The following SLX4 variants were observed in gnomAD, a reference collection of about 807,000 sequenced individuals.
The protein encoded by SLX4 is SLX4 structure-specific endonuclease subunit.
SLX4 carries 112 observed loss-of-function variants against 146.2 expected under a neutral mutation model. The ratio of observed to expected loss-of-function variants is 0.77; its 90% CI spans 0.66 to 0.90. The LOEUF is 0.90. SLX4 is among the 40% of genes least tolerant of loss of function. The probability of loss-of-function intolerance (pLI) is 0.00; values close to 1 mark genes in which losing one functional copy is unlikely to be tolerated. For synonymous variants in SLX4, 1,061 were observed against 997.7 expected (o/e 1.06, Z -1.20); for missense variants, 2,563 against 2,392.7 (o/e 1.07, Z -1.49).
At chr16:3,600,591 CTTTTTTTTTTTTTTTTTTT>C (rs974875930) in intron 5 of SLX4, 7 of 102,614 alleles carry the variant, frequency 6.8e-5, no homozygotes, top group South Asian at 2.0e-4. Flanking sequence ...CTATAAAAAG[CTTTTTTTTTTTTTTTTTTT>C]TTTTTTTTTT....
rs2151125201 is a variant in SLX4, at chr16:3,590,878, C to T, written c.2760G>A (p.Trp920Ter). The T allele has an allele frequency of 6.2e-7, 1 of 1,614,132 alleles. No homozygotes were observed. The highest frequency in any genetic ancestry group is 2.2e-5 in the East Asian group (1 of 44,874). ...GGAGAGCGCACTGTCCCATCTTCTC[C>T]CAGGTGGTGGCGGCCTCATCTCTTC... ...EPGRDEAATTWEKMGQCALPP... is the reference protein window; with the variant it reads ...EPGRDEAATT The change falls in exon 12 of 15, where the codon TGG becomes TGA. Residue 920 changes from tryptophan to a stop codon, truncating the protein, a stop_gained. Transcript: ENST00000294008. LOFTEE classifies it high-confidence loss of function. This position sits in a 1 kb window ranked among gnomAD's most constrained non-coding sequence, Gnocchi z 4.8.
rs2040670048 is a variant in SLX4, at chr16:3,597,152, C to T, written c.1683+227G>A. Among the ~76,000 whole-genome samples the T allele has an allele frequency of 1.3e-5, 2 of 152,206 alleles. No individual in the cohort carries two copies. The highest frequency in any genetic ancestry group is 1.3e-4 in the Admixed American group (2 of 15,280). On this transcript the variant is annotated intron_variant, in intron 7 of 14. Coordinates refer to ENST00000294008, the MANE Select transcript of SLX4 (RefSeq NM_032444.4). This position sits in a 1 kb window ranked among gnomAD's most constrained non-coding sequence, Gnocchi z 4.4. Reference sequence around the variant, plus strand: ...CTGCATTTTCAACAAACTCCAGGAACACACTCTGGTGGACACCAAGGGTCC... The same window carrying T: ...CTGCATTTTCAACAAACTCCAGGAATACACTCTGGTGGACACCAAGGGTCC...
chr16:3,595,527 G>T, intron 9 of SLX4, 78 bp downstream of exon 9: 1 of 1,533,978 alleles, frequency 6.5e-7, no homozygotes. Flanking sequence ...CCAGAGGCCA[G>T]CGGTGAGCCA....
Position 3,581,871 on chromosome 16 carries a change from C to T in SLX4, c.*471G>A, listed in dbSNP as rs554146344. On this transcript the variant is annotated 3_prime_UTR_variant, in exon 15 of 15. Transcript: ENST00000294008. ...CAGCCTGAGCAACATGGTGAAACCCCGTTTCTACTAAAATATAAAAAATCA... is the reference window on the plus strand; with the variant it reads ...CAGCCTGAGCAACATGGTGAAACCCTGTTTCTACTAAAATATAAAAAATCA... 1.7e-4 allele frequency: 32 copies of T among 193,938 alleles called. No homozygotes were observed. The highest frequency in any genetic ancestry group is 1.2e-3 in the Admixed American group (22 of 18,808). The allele number at this position is 193,938 out of a possible 1,614,324, so 12.0% of individuals were successfully genotyped here. A position where few individuals can be genotyped will look rare whatever the true frequency, so the allele number is the denominator to read the frequency against.
At chr16:3,593,772 T>G (rs2040618171) in intron 10 of SLX4, among the ~76,000 whole-genome samples, 1 of 152,220 alleles carries the variant, frequency 6.6e-6, no homozygotes, top group Admixed American at 6.5e-5. Context: ...AGAAGGCAGG[T>G]TCATCAGCAA....
chr16:3,583,460 T>C lies in SLX4; in HGVS notation c.4790A>G (p.Glu1597Gly). 1 of 1,614,172 alleles carries C rather than the reference T, an allele frequency of 6.2e-7. No homozygotes were observed. The highest frequency in any genetic ancestry group is 8.5e-7 in the Non-Finnish European group (1 of 1,180,038). The change falls in exon 14 of 15, where the codon GAG becomes GGG. Residue 1597 changes from glutamate to glycine, a missense_variant. Transcript: ENST00000294008. ...PKRQMVLKLK[E>G]IFQYTHQTLD... ...GGTCTGGTGAGTGTACTGGAATATCTCCTTCAGCTTCAGAACCATCTGGCG... is the reference window on the plus strand; with the variant it reads ...GGTCTGGTGAGTGTACTGGAATATCCCCTTCAGCTTCAGAACCATCTGGCG...
At chr16:3,599,392 C>G (rs1297787374) in intron 5 of SLX4, among the ~76,000 whole-genome samples, 2 of 152,244 alleles carry the variant, frequency 1.3e-5, no homozygotes, top group African/African-American at 4.8e-5. Context: ...AACCTGGTGT[C>G]AGCTCTAGCG....
At chr16:3,602,014 G>A (rs2040732386) in intron 4 of SLX4, 104 bp downstream of exon 4, 1 of 1,344,076 alleles carries the variant, frequency 7.4e-7, no homozygotes, top group African/African-American at 1.4e-5. Context: ...CAAAGCTGAG[G>A]TGCTGTTGTC....
chr16:3,607,576 C>T lies in SLX4; in HGVS notation c.535+854G>A, dbSNP rs144366282. On this transcript the variant is annotated intron_variant, in intron 2 of 14. Transcript: ENST00000294008. ...GTGGGTGCCTGTGGTCCCAGCTACT[C>T]GGGAGGCTGAGGCAGGGAGGACTGC... 7.2e-3 allele frequency among the ~76,000 whole-genome samples: 1,098 copies of T among 152,138 alleles called. 6 individuals carry two copies. Among genetic ancestry groups the T allele is most frequent in the Middle Eastern group, 0.024 (7 of 294 alleles).
In SLX4 at chr16:3,597,363, G is replaced by A. The variant is rs2040672063; in HGVS notation, c.1683+16C>T. The A allele has an allele frequency of 1.3e-6, 2 of 1,528,810 alleles. No individual in the cohort carries two copies. The highest frequency in any genetic ancestry group is 1.8e-6 in the Non-Finnish European group (2 of 1,135,090). 94.7% of individuals were successfully genotyped at this position (1,528,810 alleles called of 1,614,324 possible). On this transcript the variant is annotated intron_variant, in intron 7 of 14. Transcript: ENST00000294008. The surrounding 1 kb of genome is among the most constrained non-coding windows in gnomAD (Gnocchi z 4.4). Reference sequence around the variant, plus strand: ...CCCCCAAAAGCCTATCCATGTGCCTGAGGGGAGGGACTCACCTGGGCAGGC... The same window carrying A: ...CCCCCAAAAGCCTATCCATGTGCCTAAGGGGAGGGACTCACCTGGGCAGGC...
chr16:3,589,129 C>T lies in SLX4; in HGVS notation c.4509G>A (p.Pro1503=), dbSNP rs755864079. ...CCCACAGAGCCGAATTCAGAAAGCT[C>T]GGCCTGCTATTCCCCAGGGAGCCCG... ...SGAGSLGNSR[P]SFLNSALWDV... is the part of the protein sequence containing the mutation. Residue 1503 remains proline, a synonymous_variant, in exon 12 of 15, where the codon CCG becomes CCA. Transcript: ENST00000294008. This position sits in a 1 kb window ranked among gnomAD's most constrained non-coding sequence, Gnocchi z 6.2. 21 of 1,613,992 alleles carry T rather than the reference C, an allele frequency of 1.3e-5. No homozygotes were observed. The highest frequency in any genetic ancestry group is 1.5e-5 in the Non-Finnish European group (18 of 1,180,008).
At chr16:3,608,194 A>C (rs139722154) in intron 2 of SLX4, among the ~76,000 whole-genome samples, 45 of 152,334 alleles carry the variant, frequency 3.0e-4, no homozygotes, top group African/African-American at 9.6e-4. Flanking sequence ...AAATAAAAAC[A>C]AACCAAAAGT....
chr16:3,592,897 T>C, intron 10 of SLX4, 32 bp from the exon 11 acceptor site: 1 of 1,594,110 alleles, frequency 6.3e-7, no homozygotes, highest in Non-Finnish European at 8.6e-7. Flanking sequence ...GAGGGTTTAC[T>C]GATCAGAGAG....
intron 3 of SLX4, among the ~76,000 whole-genome samples, chr16:3,603,464 G>T (rs986911727): frequency 3.3e-5 from 5 of 152,352 alleles, no homozygotes; most frequent in Admixed American, 1.3e-4. Context: ...CACCAGCTGG[G>T]TGCCTCCTCT....
At position 3,589,800 on chromosome 16, in the gene SLX4, T is replaced by A; in HGVS notation, c.3838A>T (p.Ser1280Cys). The A allele has an allele frequency of 6.2e-7, 1 of 1,613,412 alleles. No individual in the cohort carries two copies. Among genetic ancestry groups the A allele is most frequent in the Non-Finnish European group, 8.5e-7 (1 of 1,180,002 alleles). ...SSQTQISSLRSGLAVQAVTQH... is the reference protein window; with the variant it reads ...SSQTQISSLRCGLAVQAVTQH... The stretch of plus-strand genomic sequence containing the variant: ...GTCACCGCCTGCACGGCCAGCCCGC[T>A]CCTGAGGCTGCTGATTTGGGTCTGG... Residue 1280 changes from serine (S) to cysteine (C), a missense_variant, in exon 12 of 15, where the codon AGC becomes TGC. Coordinates refer to ENST00000294008, the MANE Select transcript of SLX4 (RefSeq NM_032444.4). This position sits in a 1 kb window ranked among gnomAD's most constrained non-coding sequence, Gnocchi z 6.2.
chr16:3,596,097 G>A (rs921797412), intron 8 of SLX4, 56 bp downstream of exon 8: 15 of 1,529,992 alleles, frequency 9.8e-6, no homozygotes, highest in Non-Finnish European at 1.2e-5. Flanking sequence ...CTCAGCCGCG[G>A]GGAGGGGAGG....
chr16:3,586,377 TG>T (rs747465226), intron 12 of SLX4, among the ~76,000 whole-genome samples: 1 of 151,374 alleles, frequency 6.6e-6, no homozygotes, highest in Non-Finnish European at 1.5e-5. Flanking sequence ...AAAAATTAGC[TG>T]GGCATGGTGG....
At position 3,583,210 on chromosome 16, in the gene SLX4, C is replaced by G. The variant is rs199592185; in HGVS notation, c.5040G>C (p.Arg1680Ser). The G allele has an allele frequency of 3.0e-5, 49 of 1,614,052 alleles. No individual in the cohort carries two copies. The highest frequency in any genetic ancestry group is 3.3e-4 in the Middle Eastern group (2 of 6,084). The change falls in exon 14 of 15, where the codon AGG becomes AGC. Residue 1680 changes from arginine to serine, a missense_variant. By Grantham distance (110) the Arg-to-Ser change is moderately radical (BLOSUM62 -1). Transcript: ENST00000294008. The part of the protein sequence containing the change: ...KHHESITPPS[R>S]SPTKEAPPGL... ...CTGGAGGTGCCTCCTTGGTGGGCGA[C>G]CTGCTTGGGGGTGTGATGCTTTCAT...
chr16:3,595,507 G>T, intron 9 of SLX4, 98 bp downstream of exon 9: 1 of 1,358,604 alleles, frequency 7.4e-7, no homozygotes, highest in Non-Finnish European at 1.0e-6. Context: ...CACTGCACTT[G>T]CGTTGGGGGC....
Sources: gnomAD v4.1 joint callset for allele counts (sites outside exome capture counted in the v4.1 genomes callset) on GRCh38, gnomAD v4.1.1 for gene constraint, Gnocchi (gnomAD v3.1) non-coding constraint, MANE v1.5 for transcripts, NCBI Gene and HGNC (gene_info 2026-07-23, HGNC 2026-07-21) for gene names.